Variants in CALN1 observed in about 807,000 individuals in gnomAD.
CALN1 encodes calneuron 1.
In CALN1, 17 loss-of-function variants were observed where a neutral mutation model predicts 30.6. The observed-to-expected ratio is 0.56, with a 90% CI of 0.38 to 0.83. The LOEUF (loss-of-function observed/expected upper bound fraction) is 0.83. Ranked by LOEUF, CALN1 falls within the 40% of genes least tolerant of loss-of-function variation. The pLI, the probability that CALN1 is intolerant of heterozygous loss-of-function variation, is 0.00. For synonymous variants in CALN1, 156 were observed against 131.4 expected (o/e 1.19, Z -1.28); for missense variants, 291 against 354.9 (o/e 0.82, Z 1.45).
In CALN1 at chr7:71,910,178, CTG is replaced by C. The variant is rs200492578; in HGVS notation, c.502-99688_502-99687del. Among the ~76,000 whole-genome samples, 120 of 152,302 alleles carry C rather than the reference CTG, an allele frequency of 7.9e-4. 1 individual carries two copies. The East Asian group carries it at 0.022, about 28-fold the overall frequency. ...AGATTTGGATGGGGACACAGCCAAA[CTG>C]TATCACCCAGGAAGACAGAGATTCT... On this transcript the variant is annotated intron_variant, in intron 5 of 6. Transcript: ENST00000395275.
chr7:72,145,450 A>T (rs1786630824), intron 3 of CALN1, among the ~76,000 whole-genome samples: 1 of 152,184 alleles, frequency 6.6e-6, no homozygotes, highest in Non-Finnish European at 1.5e-5. Flanking sequence ...ATAGACCAAT[A>T]ACAGGCTCTG....
intron 5 of CALN1, among the ~76,000 whole-genome samples, chr7:72,013,071 T>C (rs546816548): frequency 6.6e-6 from 1 of 152,156 alleles, no homozygotes; most frequent in African/African-American, 2.4e-5. Context: ...GCACTGGGAT[T>C]AAAGGCATGA....
chr7:72,297,777 C>T (rs1039988365), intron 2 of CALN1, among the ~76,000 whole-genome samples: 1 of 152,182 alleles, frequency 6.6e-6, no homozygotes, highest in Non-Finnish European at 1.5e-5. Flanking sequence ...TCTTCAATTC[C>T]ATCTGACAAG....
At chr7:72,032,052 CTTT>C (rs1184047697) in intron 4 of CALN1, among the ~76,000 whole-genome samples, 17 of 66,576 alleles carry the variant, frequency 2.6e-4, no homozygotes, top group Middle Eastern at 0.022. Flanking sequence ...TGGCTCCTGG[CTTT>C]TTTTTTTTTT....
At position 71,781,627 on chromosome 7, in the gene CALN1, G is replaced by A. The variant is rs1792719399; in HGVS notation, c.*6148C>T. On this transcript the variant is annotated 3_prime_UTR_variant, in exon 7 of 7. Coordinates refer to ENST00000395275, the MANE Select transcript of CALN1 (RefSeq NM_031468.4). ...ATCGCAGTTGCACCTTGCATTCCCT[G>A]GAATATTCCTTCCTAATTAGCCTGC... 6.6e-6 allele frequency: 1 copy of A among 152,206 alleles called. No individual in the cohort carries two copies. The highest frequency in any genetic ancestry group is 2.4e-5 in the African/African-American group (1 of 41,448). 9.4% of individuals were successfully genotyped at this position (152,206 alleles called of 1,614,324 possible).
chr7:71,948,222 G>T (rs892821647), intron 5 of CALN1, among the ~76,000 whole-genome samples: 5 of 110,072 alleles, frequency 4.5e-5, no homozygotes, highest in African/African-American at 1.4e-4. Flanking sequence ...CCACCACAAG[G>T]ACTCTGTTCT....
intron 2 of CALN1, among the ~76,000 whole-genome samples, chr7:72,306,936 C>T (rs1799696722): frequency 6.6e-6 from 1 of 152,164 alleles, no homozygotes; most frequent in South Asian, 2.1e-4. Flanking sequence ...ACTCCCAAAA[C>T]CCCATCTCCA....
intron 5 of CALN1, among the ~76,000 whole-genome samples, chr7:71,842,270 C>T (rs890726075): frequency 3.3e-5 from 5 of 152,216 alleles, no homozygotes; most frequent in Admixed American, 6.5e-5. Context: ...ATGACTGAAG[C>T]AAGCAATACT....
At chr7:71,926,907 A>G (rs13245146) in intron 5 of CALN1, among the ~76,000 whole-genome samples, 64,168 of 151,970 alleles carry the variant, frequency 0.42, 13,877 homozygotes, top group Admixed American at 0.51. Context: ...CTTTTTCCAT[A>G]AGAGCCTTTA....
intron 4 of CALN1, among the ~76,000 whole-genome samples, chr7:72,097,031 C>A (rs1563054563): frequency 6.6e-6 from 1 of 152,072 alleles, no homozygotes; most frequent in Non-Finnish European, 1.5e-5. Flanking sequence ...AAGCTGGAAA[C>A]CATCATTCTC....
chr7:71,838,172 C>T (rs959872101), intron 5 of CALN1, among the ~76,000 whole-genome samples: 3 of 151,902 alleles, frequency 2.0e-5, no homozygotes, highest in Non-Finnish European at 2.9e-5. Flanking sequence ...AAAAACTCTG[C>T]CATGGTTAAT....
chr7:72,495,481 G>A, the CALN1 span, among the ~76,000 whole-genome samples: 3 of 152,180 alleles, frequency 2.0e-5, no homozygotes, highest in Admixed American at 6.5e-5. Context: ...GACATTGCAG[G>A]GAACAAGGCA....
chr7:72,310,573 G>A (rs1056964120), intron 2 of CALN1, among the ~76,000 whole-genome samples: 1 of 151,750 alleles, frequency 6.6e-6, no homozygotes, highest in Non-Finnish European at 1.5e-5. Flanking sequence ...ATGGTGTGGC[G>A]GTGGACACTT....
In CALN1 at chr7:72,302,442, G is replaced by A. The variant is rs549852597; in HGVS notation, c.120-23632C>T. On this transcript the variant is annotated intron_variant, in intron 2 of 6. Coordinates refer to ENST00000395275, the MANE Select transcript of CALN1 (RefSeq NM_031468.4). ...GGAGCAAGTGGTCTGGACATCACAG[G>A]AAAAACTAATTTACACCCAGTCAAA... is the stretch of plus-strand genomic sequence containing the variant. Among the ~76,000 whole-genome samples, 7 of 152,252 alleles carry A rather than the reference G, an allele frequency of 4.6e-5. No individual in the cohort carries two copies. In the East Asian group the frequency reaches 1.4e-3, roughly 29 times the overall value.
chr7:72,320,658 A>C (rs1031133219), intron 2 of CALN1, among the ~76,000 whole-genome samples: 3 of 152,012 alleles, frequency 2.0e-5, no homozygotes, highest in Non-Finnish European at 2.9e-5. Flanking sequence ...AACATGGCAA[A>C]ACCCCATCTC....
intron 2 of CALN1, among the ~76,000 whole-genome samples, chr7:72,300,129 C>G (rs1430152124): frequency 6.6e-6 from 1 of 152,152 alleles, no homozygotes; most frequent in Non-Finnish European, 1.5e-5. Context: ...ATCCGCCCAC[C>G]TCGTCCTCCC....
intron 4 of CALN1, among the ~76,000 whole-genome samples, chr7:72,034,175 A>G (rs1801634696): frequency 6.6e-6 from 1 of 151,870 alleles, no homozygotes; most frequent in South Asian, 2.1e-4. Flanking sequence ...AACACGGTGG[A>G]ACCCCGTCTC....
chr7:72,023,896 A>G lies in CALN1; in HGVS notation c.389-127T>C, dbSNP rs1180907380. Reference sequence around the variant, plus strand: ...CAATCAATGAAGAAGAGCTGGTAACATTACTTAAAACTGTTCAATGTTCTT... The same window carrying G: ...CAATCAATGAAGAAGAGCTGGTAACGTTACTTAAAACTGTTCAATGTTCTT... On this transcript the variant is annotated intron_variant, in intron 4 of 6. Transcript: ENST00000395275. The G allele has an allele frequency of 3.5e-5, 21 of 604,468 alleles. 1 individual carries two copies. Among genetic ancestry groups the G allele is most frequent in the Admixed American group, 8.8e-5 (3 of 34,210 alleles). The allele number at this position is 604,468 out of a possible 1,614,324, so 37.4% of individuals were successfully genotyped here. A position where few individuals can be genotyped will look rare whatever the true frequency, so the allele number is the denominator to read the frequency against.
In CALN1 at chr7:72,176,615, A is replaced by C. The variant is rs535780885; in HGVS notation, c.245-70321T>G. Among the ~76,000 whole-genome samples the C allele has an allele frequency of 1.5e-4, 23 of 152,254 alleles. No individual in the cohort carries two copies. The East Asian group carries it at 4.5e-3, about 29-fold the overall frequency. On this transcript the variant is annotated intron_variant, in intron 3 of 6. Transcript: ENST00000395275. The stretch of plus-strand genomic sequence containing the variant: ...GGAAGCTTCCTGAGGCCTCACCAGA[A>C]GCAGATGCAGGCATCACACTTCATG...
Sources: gnomAD v4.1 joint callset for allele counts (sites outside exome capture counted in the v4.1 genomes callset) on GRCh38, gnomAD v4.1.1 for gene constraint, MANE v1.5 for transcripts, NCBI Gene and HGNC (gene_info 2026-07-23, HGNC 2026-07-21) for gene names.